The following CALN1 variants were observed in gnomAD, a reference collection of about 807,000 sequenced individuals.
CALN1 encodes the protein calneuron 1, also known as calcium-binding protein 8.
A neutral mutation model predicts 30.6 loss-of-function variants in CALN1; 17 were observed. That is an observed-to-expected ratio of 0.56 (90% CI 0.38 to 0.83). The LOEUF (loss-of-function observed/expected upper bound fraction) is 0.83, where lower values mean the gene tolerates loss of function less well. Ranked by LOEUF, CALN1 falls within the 40% of genes least tolerant of loss-of-function variation. The pLI, the probability that CALN1 is intolerant of heterozygous loss-of-function variation, is 0.00. For missense variants in CALN1, 291 were observed against 354.9 expected (o/e 0.82, Z 1.45); for synonymous variants, 156 against 131.4 (o/e 1.19, Z -1.28).
chr7:71,915,869 C>T (rs1794667702), intron 5 of CALN1, among the ~76,000 whole-genome samples: 1 of 152,190 alleles, frequency 6.6e-6, no homozygotes, highest in Non-Finnish European at 1.5e-5. Flanking sequence ...CCAACCCATC[C>T]TCCCAACTCC....
chr7:71,851,702 T>C (rs1790657379), intron 5 of CALN1, among the ~76,000 whole-genome samples: 1 of 151,676 alleles, frequency 6.6e-6, no homozygotes, highest in African/African-American at 2.4e-5. Flanking sequence ...AATAAACAAA[T>C]GAGCAAACAA....
intron 3 of CALN1, among the ~76,000 whole-genome samples, chr7:72,163,559 AGATG>A (rs1166458662): frequency 6.6e-6 from 1 of 152,190 alleles, no homozygotes; most frequent in Non-Finnish European, 1.5e-5. Context: ...ATAGGTGACT[AGATG>A]GAGAACCTCT....
chr7:72,282,189 G>C (rs1309424538), intron 2 of CALN1, among the ~76,000 whole-genome samples: 1 of 152,138 alleles, frequency 6.6e-6, no homozygotes, highest in Non-Finnish European at 1.5e-5. Context: ...CCTTGGCTAA[G>C]GGAAGAGAAA....
chr7:72,384,169 G>A (rs1376352995), intron 2 of CALN1, among the ~76,000 whole-genome samples: 1 of 152,140 alleles, frequency 6.6e-6, no homozygotes, highest in Non-Finnish European at 1.5e-5. Context: ...TTTGCAGACT[G>A]TTGCCTTTAA....
chr7:71,959,362 G>A (rs567393374), intron 5 of CALN1, among the ~76,000 whole-genome samples: 5 of 152,292 alleles, frequency 3.3e-5, no homozygotes, highest in African/African-American at 7.2e-5. Flanking sequence ...CACAGGATTG[G>A]AGAATCCAGA....
rs996363945 is a variant in CALN1, at chr7:72,284,327, C to T, written c.120-5517G>A. On this transcript the variant is annotated intron_variant, in intron 2 of 6. Transcript: ENST00000395275. ...TTAATTAAATAAATAAACTAAAGAG[C>T]CTCATTCACATTAACTTGAAATGAT... Among the ~76,000 whole-genome samples the T allele has an allele frequency of 7.2e-5, 11 of 152,266 alleles. No homozygotes were observed. The East Asian group carries it at 1.9e-3, about 27-fold the overall frequency.
chr7:71,971,991 AAG>A lies in CALN1; in HGVS notation c.501+51664_501+51665del, dbSNP rs796462519. ...AAAGAAAGAAAGAAAGAAAGAAAGAAAGAGAAAGAAAGAAAAAAAGAAAGAAA... is the reference window on the plus strand; with the variant it reads ...AAAGAAAGAAAGAAAGAAAGAAAGAAAGAAAGAAAGAAAAAAAGAAAGAAA... On this transcript the variant is annotated intron_variant, in intron 5 of 6. Transcript: ENST00000395275. Among the ~76,000 whole-genome samples, 132 of 128,790 alleles carry A rather than the reference AAG, an allele frequency of 1.0e-3. 1 individual carries two copies. The highest frequency in any genetic ancestry group is 6.8e-3 in the Admixed American group (80 of 11,760). The allele number at this position is 128,790 out of a possible 152,430, so 84.5% of individuals were successfully genotyped here.
chr7:72,469,961 A>G, the CALN1 span, among the ~76,000 whole-genome samples: 61 of 152,076 alleles, frequency 4.0e-4, no homozygotes, highest in Non-Finnish European at 7.6e-4. Flanking sequence ...AGAAGGGGAG[A>G]TGGGGCAGTA....
intron 2 of CALN1, among the ~76,000 whole-genome samples, chr7:72,307,092 T>A (rs533141615): frequency 4.6e-4 from 70 of 152,256 alleles, no homozygotes; most frequent in African/African-American, 1.5e-3. Flanking sequence ...CAGACTTCTG[T>A]TTTTGGTTTT....
chr7:72,225,588 C>T (rs755002539), intron 3 of CALN1, among the ~76,000 whole-genome samples: 88 of 152,060 alleles, frequency 5.8e-4, no homozygotes, highest in Non-Finnish European at 7.5e-4. Context: ...GATAATTCCA[C>T]GTGTATTCTA....
At chr7:72,279,181 G>A (rs1374758449) in intron 2 of CALN1, among the ~76,000 whole-genome samples, 1 of 152,138 alleles carries the variant, frequency 6.6e-6, no homozygotes, top group Non-Finnish European at 1.5e-5. Context: ...TGTAAGGAAG[G>A]ACTGAGAATC....
chr7:72,265,377 T>G (rs1796534554), intron 3 of CALN1, among the ~76,000 whole-genome samples: 1 of 152,150 alleles, frequency 6.6e-6, no homozygotes, highest in Non-Finnish European at 1.5e-5. Context: ...ATCAAATTCT[T>G]GAGTAGTCCC....
chr7:71,897,912 A>C (rs1793611295), intron 5 of CALN1, among the ~76,000 whole-genome samples: 1 of 149,998 alleles, frequency 6.7e-6, no homozygotes, highest in Non-Finnish European at 1.5e-5. Flanking sequence ...TGGAAGAAAA[A>C]ACCAAGCTTG....
In CALN1 at chr7:72,325,740, C is replaced by T. The variant is rs189066874; in HGVS notation, c.120-46930G>A. ...TTGGCAGGAAAAGAAAACCACCCATCTCTGCTGAGGGCAGATGATCTATTG... is the reference window on the plus strand; with the variant it reads ...TTGGCAGGAAAAGAAAACCACCCATTTCTGCTGAGGGCAGATGATCTATTG... On this transcript the variant is annotated intron_variant, in intron 2 of 6. Coordinates refer to ENST00000395275, the MANE Select transcript of CALN1 (RefSeq NM_031468.4). Among the ~76,000 whole-genome samples the T allele has an allele frequency of 1.6e-4, 25 of 152,292 alleles. No homozygotes were observed. The East Asian group carries it at 4.6e-3, about 28-fold the overall frequency.
chr7:72,302,790 G>A (rs749292734), intron 2 of CALN1, among the ~76,000 whole-genome samples: 1 of 147,322 alleles, frequency 6.8e-6, no homozygotes. Context: ...AGCTACTAGG[G>A]AGACTGAGGC....
intron 3 of CALN1, among the ~76,000 whole-genome samples, chr7:72,129,987 C>T (rs1809025887): frequency 6.6e-6 from 1 of 152,104 alleles, no homozygotes; most frequent in Non-Finnish European, 1.5e-5. Context: ...AATGCCCTCC[C>T]TCAGGGGTGA....
the CALN1 span, among the ~76,000 whole-genome samples, chr7:72,460,239 T>C: frequency 2.6e-5 from 4 of 152,170 alleles, no homozygotes; most frequent in Non-Finnish European, 5.9e-5. Flanking sequence ...GGGATCACAT[T>C]TCAGCATGAG....
chr7:71,888,390 C>G (rs75257575), intron 5 of CALN1, among the ~76,000 whole-genome samples: 17,126 of 143,728 alleles, frequency 0.12, 1,427 homozygotes, highest in East Asian at 0.44. Flanking sequence ...TAAAAGTGGG[C>G]GATTGTATGG....
chr7:72,421,575 T>TTTTA (rs1807610979), intron 1 of CALN1, among the ~76,000 whole-genome samples: 1 of 118,950 alleles, frequency 8.4e-6, no homozygotes, highest in African/African-American at 3.8e-5. Flanking sequence ...TTATCCTACT[T>TTTTA]TTTTTTTTTT....
Sources: gnomAD v4.1 joint callset for allele counts (sites outside exome capture counted in the v4.1 genomes callset) on GRCh38, gnomAD v4.1.1 for gene constraint, MANE v1.5 for transcripts, NCBI Gene and HGNC (gene_info 2026-07-23, HGNC 2026-07-21) for gene names.